Variants in HPS1 observed in about 807,000 individuals in gnomAD.
The protein encoded by HPS1 is BLOC-3 complex member HPS1.
HPS1 carries 59 observed loss-of-function variants against 90.6 expected under a neutral mutation model. The observed-to-expected ratio is 0.65, with a 90% CI of 0.53 to 0.81. The LOEUF (loss-of-function observed/expected upper bound fraction) is 0.81. Among genes scored for constraint, HPS1 ranks in the 30% least tolerant of loss-of-function variants. The pLI, the probability that HPS1 is intolerant of heterozygous loss-of-function variation, is 0.00. For missense variants in HPS1, 849 were observed against 896.7 expected (o/e 0.95, Z 0.68); for synonymous variants, 388 against 384.4 (o/e 1.01, Z -0.11).
rs1457727508 is a variant in HPS1 at position 98,417,710 on chromosome 10, A to G, written c.1957T>C (p.Tyr653His). ...GDYYRKLLRY[Y>H]SKNRPTEAVR... ...GCCTCGGTTGGGCGGTTCTTGCTGT[A>G]GTAGCGCAGGAGCTTCCTGGGGAGG... Residue 653 changes from tyrosine (Y) to histidine (H), a missense_variant, in exon 20 of 20, where the codon TAC (tyrosine) becomes CAC (histidine). By Grantham distance (83) the Tyr-to-His change is moderately conservative (BLOSUM62 2). Coordinates refer to ENST00000361490, the MANE Select transcript of HPS1 (RefSeq NM_000195.5). The surrounding 1 kb of genome is among the most constrained non-coding windows in gnomAD (Gnocchi z 4.2). 2 of 1,613,658 alleles carry G rather than the reference A, an allele frequency of 1.2e-6. No individual in the cohort carries two copies. The highest frequency in any genetic ancestry group is 2.7e-5 in the African/African-American group (2 of 74,864).
chr10:98,420,130 C>T lies in HPS1; in HGVS notation c.1772G>A (p.Arg591Lys), dbSNP rs774632359. The change falls in exon 18 of 20, where the codon AGA becomes AAA. Residue 591 changes from arginine to lysine, a missense_variant. By Grantham distance (26) the Arg-to-Lys change is conservative. Coordinates refer to ENST00000361490, the MANE Select transcript of HPS1 (RefSeq NM_000195.5). ...CGTGGTGTAGCCCTTCTGCAGGTAT[C>T]TGCGCGCCAGCTGGATCAGAGACCA... Reference protein sequence around the residue: ...KVWSLIQLARRYLQKGYTTLL... With the variant: ...KVWSLIQLARKYLQKGYTTLL... 9 of 1,613,952 alleles carry T rather than the reference C, an allele frequency of 5.6e-6. No homozygotes were observed. Among genetic ancestry groups the T allele is most frequent in the Non-Finnish European group, 7.6e-6 (9 of 1,179,834 alleles).
At chr10:98,442,074 GA>G (rs1462028925) in intron 3 of HPS1, among the ~76,000 whole-genome samples, 1 of 152,154 alleles carries the variant, frequency 6.6e-6, no homozygotes, top group Non-Finnish European at 1.5e-5. Flanking sequence ...AAATAACACA[GA>G]TGTCCATCAA....
In HPS1 at chr10:98,425,981, G is replaced by C; in HGVS notation, c.992C>G (p.Ala331Gly). ...AACCAGTGTTTGGAGGGTGTCCTCT[G>C]CTATCTACAGAGGAAGAAGAGCTGC... ...GTPPMDALQI[A>G]EDTLQTLVPH... is the part of the protein sequence containing the mutation. The change falls in exon 12 of 20, where the codon GCA becomes GGA. Residue 331 changes from alanine to glycine, a missense_variant. Transcript: ENST00000361490. The C allele has an allele frequency of 6.2e-7, 1 of 1,613,916 alleles. No homozygotes were observed. The highest frequency in any genetic ancestry group is 1.3e-5 in the African/African-American group (1 of 75,064).
intron 17 of HPS1, among the ~76,000 whole-genome samples, chr10:98,421,589 G>T (rs1374978393): frequency 1.3e-5 from 2 of 152,156 alleles, no homozygotes; most frequent in Non-Finnish European, 2.9e-5. Context: ...AAACTGCACA[G>T]AAAACCAACA....
chr10:98,431,270 G>A lies in HPS1; in HGVS notation c.529C>T (p.Pro177Ser), dbSNP rs780626717. Residue 177 changes from proline (P) to serine (S), a missense_variant, in exon 7 of 20, where the codon CCC (proline) becomes TCC (serine). By Grantham distance (74) the Pro-to-Ser change is moderately conservative. Transcript: ENST00000361490. The stretch of plus-strand genomic sequence containing the variant: ...TCTATGCACAGCTCACAGAGCTGGG[G>A]GTGAATCAGTCGCTCCAGGGCCTAG... ...AVEALERLIH[P>S]QLCELCIEAL... 7.4e-6 allele frequency: 12 copies of A among 1,613,828 alleles called. No homozygotes were observed. Among genetic ancestry groups the A allele is most frequent in the Non-Finnish European group, 1.0e-5 (12 of 1,180,026 alleles).
intron 7 of HPS1, 50 bp from the exon 8 acceptor site, chr10:98,430,720 C>T (rs576602154): frequency 1.8e-5 from 26 of 1,471,622 alleles, no homozygotes; most frequent in Admixed American, 7.9e-5. Flanking sequence ...CAGCAGGAGA[C>T]GGGGCAGGCA....
chr10:98,417,500 G>A lies in HPS1; in HGVS notation c.*64C>T, dbSNP rs1844248305. On this transcript the variant is annotated 3_prime_UTR_variant, in exon 20 of 20. Transcript: ENST00000361490. This position sits in a 1 kb window ranked among gnomAD's most constrained non-coding sequence, Gnocchi z 4.2. ...TGCAGACAGGAGGCTCTCGTCATGG[G>A]GAACAGTGGCAAGCAAGGGTGGCTG... 2.8e-6 allele frequency: 4 copies of A among 1,433,958 alleles called. No individual in the cohort carries two copies. Among genetic ancestry groups the A allele is most frequent in the Non-Finnish European group, 2.9e-6 (3 of 1,041,234 alleles). 88.8% of individuals were successfully genotyped at this position (1,433,958 alleles called of 1,614,324 possible). A position where few individuals can be genotyped will look rare whatever the true frequency, so the allele number is the denominator to read the frequency against.
chr10:98,437,331 T>A (rs1018047580), intron 3 of HPS1, among the ~76,000 whole-genome samples: 1 of 152,224 alleles, frequency 6.6e-6, no homozygotes, highest in Non-Finnish European at 1.5e-5. Flanking sequence ...ATTATTCATA[T>A]ACCATGATTT....
intron 10 of HPS1, among the ~76,000 whole-genome samples, chr10:98,427,696 G>A (rs1925646): frequency 0.99 from 150,326 of 152,254 alleles, 74,221 homozygotes; most frequent in East Asian, 1. Context: ...TTATTCAACC[G>A]GCAAGCTCTT....
At chr10:98,415,322 C>T (rs1590991995), downstream of HPS1, 4 of 763,664 alleles carry the variant, frequency 5.2e-6, no homozygotes, top group South Asian at 4.3e-5. Context: ...TGTGCTGGGC[C>T]GTCGGGAGTG....
chr10:98,435,739 G>A lies in HPS1; in HGVS notation c.151C>T (p.Leu51=). ...ATGGAGGAGATGATGACCGGGGCTA[G>A]GAGGGTGCTGAGCTGGTCCTCCAGG... ...PALEDQLSTL[L]APVIISSMTM... is the part of the protein sequence containing the mutation. The change falls in exon 4 of 20, where the codon CTA becomes TTA. Residue 51 remains leucine, a synonymous_variant. Coordinates refer to ENST00000361490, the MANE Select transcript of HPS1 (RefSeq NM_000195.5). The surrounding 1 kb of genome is among the most constrained non-coding windows in gnomAD (Gnocchi z 4.3). The A allele has an allele frequency of 6.2e-7, 1 of 1,614,228 alleles. No individual in the cohort carries two copies.
intron 2 of HPS1, among the ~76,000 whole-genome samples, chr10:98,443,977 C>T (rs1406149512): frequency 1.3e-5 from 2 of 152,208 alleles, no homozygotes. Context: ...GCAGAGGTTG[C>T]AGTGAGCCGA....
At chr10:98,430,839 T>G (rs1846344860) in intron 7 of HPS1, among the ~76,000 whole-genome samples, 169 bp from the exon 8 acceptor site, 2 of 152,080 alleles carry the variant, frequency 1.3e-5, no homozygotes, top group African/African-American at 4.8e-5. Context: ...AAAATAAAAC[T>G]TGGTTGTATA....
chr10:98,443,909 T>C (rs76967133), intron 2 of HPS1, among the ~76,000 whole-genome samples: 2,037 of 152,268 alleles, frequency 0.013, 48 homozygotes, highest in African/African-American at 0.046. Flanking sequence ...GGCAAGTGCC[T>C]GTTATCCCAG....
At chr10:98,443,520 C>T (rs929759545) in intron 2 of HPS1, among the ~76,000 whole-genome samples, 2 of 152,220 alleles carry the variant, frequency 1.3e-5, no homozygotes, top group Admixed American at 1.3e-4. Context: ...GGGCCCTTTC[C>T]TCTGTGGTAT....
At position 98,435,149 on chromosome 10, in the gene HPS1, A is replaced by G; in HGVS notation, c.398+123T>C. The G allele has an allele frequency of 8.6e-7, 1 of 1,163,952 alleles. No homozygotes were observed. Among genetic ancestry groups the G allele is most frequent in the Non-Finnish European group, 1.3e-6 (1 of 783,180 alleles). 72.1% of individuals were successfully genotyped at this position (1,163,952 alleles called of 1,614,324 possible). On this transcript the variant is annotated intron_variant, in intron 5 of 19. Coordinates refer to ENST00000361490, the MANE Select transcript of HPS1 (RefSeq NM_000195.5). The surrounding 1 kb of genome is among the most constrained non-coding windows in gnomAD (Gnocchi z 4.3). ...AAGGTTCACTTGAGCTGTTTCTCTG[A>G]CCTAGGGACCCAGCTGGGGGCAGTA...
chr10:98,429,990 C>G, intron 8 of HPS1, 101 bp from the exon 9 acceptor site: 2 of 1,008,176 alleles, frequency 2.0e-6, no homozygotes, highest in Non-Finnish European at 1.5e-6. Context: ...CACCCCTCCA[C>G]CCCTCCACCC....
At chr10:98,419,172 C>T (rs763455422) in intron 18 of HPS1, among the ~76,000 whole-genome samples, 2 of 151,868 alleles carry the variant, frequency 1.3e-5, no homozygotes, top group Non-Finnish European at 2.9e-5. Context: ...AACCGCCCTG[C>T]CCTATGGAAA....
chr10:98,420,043 A>G lies in HPS1; in HGVS notation c.1857+2T>C, dbSNP rs374689398. The stretch of plus-strand genomic sequence containing the variant: ...CTGGCCCAGGGACTCAGCCTCACCT[A>G]CCATGTCATTCTCGAACCACAGGAA... On this transcript the variant is annotated splice_donor_variant, in intron 18 of 19. Coordinates refer to ENST00000361490, the MANE Select transcript of HPS1 (RefSeq NM_000195.5). LOFTEE classifies it high-confidence loss of function. The G allele has an allele frequency of 1.8e-5, 29 of 1,598,900 alleles. No homozygotes were observed. Among genetic ancestry groups the G allele is most frequent in the Non-Finnish European group, 2.3e-5 (27 of 1,166,238 alleles).
Sources: allele counts gnomAD v4.1 joint callset (sites outside exome capture counted in the v4.1 genomes callset), GRCh38; gene constraint gnomAD v4.1.1; non-coding constraint Gnocchi (gnomAD v3.1); transcripts MANE v1.5; gene names NCBI Gene and HGNC (gene_info 2026-07-23, HGNC 2026-07-21).